ZBTB34: variants seen among roughly 807,000 people sequenced by gnomAD.
ZBTB34 encodes the protein zinc finger and BTB domain containing 34, also known as zinc finger and BTB domain-containing protein 34.
ZBTB34 carries 1 observed loss-of-function variant against 33.4 expected under a neutral mutation model. The ratio of observed to expected loss-of-function variants is 0.03; its 90% confidence interval spans 0.01 to 0.14. ZBTB34 has a LOEUF of 0.14. ZBTB34 is among the 10% of genes least tolerant of loss of function. The pLI, the probability that ZBTB34 is intolerant of heterozygous loss-of-function variation, is 1.00. For synonymous variants in ZBTB34, 283 were observed against 253.5 expected, an observed-to-expected ratio of 1.12 and a Z score of -1.11; for missense variants, 406 against 657.2, an observed-to-expected ratio of 0.62 and a Z score of 4.18.
chr9:126,868,825 CT>C (rs1334154592), intron 1 of ZBTB34, among the ~76,000 whole-genome samples: 1 of 152,170 alleles, frequency 6.6e-6, no homozygotes, highest in African/African-American at 2.4e-5. Context: ...AGCCCTAGAT[CT>C]GTGGTTTCTA....
At chr9:126,870,504 A>G (rs2033262993) in intron 1 of ZBTB34, among the ~76,000 whole-genome samples, 1 of 152,274 alleles carries the variant, frequency 6.6e-6, no homozygotes, top group Non-Finnish European at 1.5e-5. Flanking sequence ...TAATTTCCTT[A>G]ATTTGCGAAG....
At chr9:126,869,181 G>A (rs1187036449) in intron 1 of ZBTB34, among the ~76,000 whole-genome samples, 2 of 151,464 alleles carry the variant, frequency 1.3e-5, no homozygotes, top group Non-Finnish European at 2.9e-5. Context: ...TAGGGAGGAT[G>A]TTTGCCCACC....
intron 1 of ZBTB34, among the ~76,000 whole-genome samples, chr9:126,875,551 T>C (rs1429081883): frequency 6.6e-6 from 1 of 152,184 alleles, no homozygotes; most frequent in African/African-American, 2.4e-5. Flanking sequence ...GACCCTGTTT[T>C]TTGCTTATCT....
exon 2 of ZBTB34, chr9:126,881,401 T>C (rs1478229822): frequency 6.2e-6 from 1 of 161,636 alleles, no homozygotes; most frequent in East Asian, 1.9e-4. Flanking sequence ...ATATATATAG[T>C]ATATATACAT....
chr9:126,884,740 G>A (rs961772530), exon 2 of ZBTB34: 3 of 167,018 alleles, frequency 1.8e-5, no homozygotes, highest in Admixed American at 6.5e-5. Context: ...CGAAACAAGG[G>A]CTGGGGGGAA....
At chr9:126,875,679 TATTCTGAC>T (rs1414968378) in intron 1 of ZBTB34, among the ~76,000 whole-genome samples, 1 of 152,180 alleles carries the variant, frequency 6.6e-6, no homozygotes, top group Non-Finnish European at 1.5e-5. Context: ...AGTAGATGCC[TATTCTGAC>T]ATTTTCCAAG....
chr9:126,863,437 C>T (rs2033165793), intron 1 of ZBTB34, among the ~76,000 whole-genome samples: 1 of 152,102 alleles, frequency 6.6e-6, no homozygotes, highest in African/African-American at 2.4e-5. Context: ...CCGCTGTGTC[C>T]CCCCACTTTT....
At chr9:126,876,180 T>C (rs1588389992) in intron 1 of ZBTB34, among the ~76,000 whole-genome samples, 1 of 624 alleles carries the variant, frequency 1.6e-3, no homozygotes, top group Non-Finnish European at 2.7e-3. Flanking sequence ...CCTTCCCCCC[T>C]TTCCCCCTTC....
chr9:126,869,189 A>T (rs529156187), intron 1 of ZBTB34, among the ~76,000 whole-genome samples: 6 of 81,220 alleles, frequency 7.4e-5, no homozygotes, highest in African/African-American at 2.4e-4. Context: ...ATGTTTGCCC[A>T]CCCCCACCCC....
In ZBTB34 at chr9:126,879,441, T is replaced by C. The variant is rs1308922527; in HGVS notation, c.42T>C (p.Asp14=). 3 of 1,613,502 alleles carry C rather than the reference T, an allele frequency of 1.9e-6. No individual in the cohort carries two copies. The highest frequency in any genetic ancestry group is 2.5e-6 in the Non-Finnish European group (3 of 1,179,766). Residue 14 remains aspartate, a synonymous_variant, in exon 2 of 2, where the codon GAT becomes GAC. Transcript: ENST00000319119. The surrounding 1 kb of genome is among the most constrained non-coding windows in gnomAD (Gnocchi z 6.4). ...ACAGCAGCAGTTTTATTCAGTTTGA[T>C]GTGCCCGAGTACAGCAGCACCGTTC...
At chr9:126,867,193 C>T (rs2033215829) in intron 1 of ZBTB34, among the ~76,000 whole-genome samples, 1 of 144,984 alleles carries the variant, frequency 6.9e-6, no homozygotes, top group Admixed American at 6.9e-5. Context: ...GTCTCTCTTA[C>T]ACTTTTGTAG....
In ZBTB34 at chr9:126,866,772, TA is replaced by T. The variant is rs1020017589; in HGVS notation, c.-11+6042del. Among the ~76,000 whole-genome samples, 30 of 151,724 alleles carry T rather than the reference TA, an allele frequency of 2.0e-4. No individual in the cohort carries two copies. In the East Asian group the frequency reaches 2.9e-3, roughly 15 times the overall value. ...TTTGTAGGTACTAACCTACATGGCT[TA>T]AAAAAAAATTTTAGTGAGAATAATA... is the stretch of plus-strand genomic sequence containing the variant. On this transcript the variant is annotated intron_variant, in intron 1 of 1. Transcript: ENST00000319119.
chr9:126,874,917 G>A (rs2033335490), intron 1 of ZBTB34, among the ~76,000 whole-genome samples: 1 of 152,200 alleles, frequency 6.6e-6, no homozygotes, highest in Non-Finnish European at 1.5e-5. Context: ...GGTTTATGAT[G>A]AGAGAATTAA....
At chr9:126,872,508 G>A (rs576968632) in intron 1 of ZBTB34, among the ~76,000 whole-genome samples, 10 of 152,304 alleles carry the variant, frequency 6.6e-5, no homozygotes, top group Non-Finnish European at 1.3e-4. Context: ...AAACCAGTGA[G>A]TAGCCCATGT....
chr9:126,879,498 G>C lies in ZBTB34; in HGVS notation c.99G>C (p.Gly33=). Residue 33 remains glycine (G), a synonymous_variant, in exon 2 of 2, where the codon GGG becomes GGC. Transcript: ENST00000319119. This position sits in a 1 kb window ranked among gnomAD's most constrained non-coding sequence, Gnocchi z 6.4. ...AGCTAAACGAACTCCGCCTGCAGGG[G>C]AAACTATGTGACATCATTGTACACA... 1.2e-6 allele frequency: 2 copies of C among 1,613,888 alleles called. No individual in the cohort carries two copies. The highest frequency in any genetic ancestry group is 1.1e-5 in the South Asian group (1 of 91,084).
rs1186734736 is a variant in ZBTB34 at position 126,880,697 on chromosome 9, G to A, written c.1298G>A (p.Arg433His). The A allele has an allele frequency of 3.1e-6, 5 of 1,613,654 alleles. No homozygotes were observed. Among genetic ancestry groups the A allele is most frequent in the African/African-American group, 1.3e-5 (1 of 74,900 alleles). ...GGCCATACAGATGATAAACCATTCCGCTGTGAGATCTGCGGGAAGTGCTTT... is the reference window on the plus strand; with the variant it reads ...GGCCATACAGATGATAAACCATTCCACTGTGAGATCTGCGGGAAGTGCTTT... The change falls in exon 2 of 2, where the codon CGC (arginine) becomes CAC (histidine). Residue 433 changes from arginine (R) to histidine (H), a missense_variant. By Grantham distance (29) the Arg-to-His change is conservative. Coordinates refer to ENST00000319119, the Ensembl canonical transcript of ZBTB34. This position sits in a 1 kb window ranked among gnomAD's most constrained non-coding sequence, Gnocchi z 6.7.
chr9:126,884,751 A>G (rs777214412), exon 2 of ZBTB34: 1 of 167,054 alleles, frequency 6.0e-6, no homozygotes, highest in Non-Finnish European at 1.5e-5. Context: ...CTGGGGGGAA[A>G]ATCATCTATG....
chr9:126,875,195 T>G (rs1394909326), intron 1 of ZBTB34, among the ~76,000 whole-genome samples: 1 of 152,192 alleles, frequency 6.6e-6, no homozygotes, highest in Admixed American at 6.5e-5. Flanking sequence ...ATGTAAAATG[T>G]CTCAACTTTC....
chr9:126,873,569 T>C (rs753152793), intron 1 of ZBTB34, among the ~76,000 whole-genome samples: 11 of 150,696 alleles, frequency 7.3e-5, no homozygotes, highest in Non-Finnish European at 1.0e-4. Context: ...TGGCCTCATA[T>C]TGATGTTTGT....
Sources: allele counts gnomAD v4.1 joint callset (sites outside exome capture counted in the v4.1 genomes callset), GRCh38; gene constraint gnomAD v4.1.1; non-coding constraint Gnocchi (gnomAD v3.1); transcripts MANE v1.5; gene names NCBI Gene and HGNC (gene_info 2026-07-23, HGNC 2026-07-21).